Variants in EYS observed in about 807,000 individuals in gnomAD.
EYS encodes EGF-like photoreceptor maintenance factor.
In EYS, 250 loss-of-function variants were observed where a neutral mutation model predicts 282.1. The observed-to-expected ratio is 0.89, with a 90% CI of 0.80 to 0.98. The LOEUF (loss-of-function observed/expected upper bound fraction) is 0.98, where lower values mean the gene tolerates loss of function less well. EYS is among the 50% of genes least tolerant of loss of function. The pLI, the probability that EYS is intolerant of heterozygous loss-of-function variation, is 0.00. For synonymous variants in EYS, 1,355 were observed against 1,282.9 expected (o/e 1.06, Z -1.20); for missense variants, 4,016 against 3,709.0 (o/e 1.08, Z -2.15).
chr6:63,794,033 C>T (rs959751414), intron 37 of EYS, among the ~76,000 whole-genome samples: 7 of 152,176 alleles, frequency 4.6e-5, no homozygotes, highest in African/African-American at 1.7e-4. Context: ...GTCCATGCAG[C>T]AGAGAAGGAG....
rs1238004547 is a variant in EYS, at chr6:64,527,331, T to G, written c.5644+62892A>C. Among the ~76,000 whole-genome samples, 4 of 151,840 alleles carry G rather than the reference T, an allele frequency of 2.6e-5. No individual in the cohort carries two copies. In the South Asian group the frequency reaches 6.2e-4, roughly 24 times the overall value. On this transcript the variant is annotated intron_variant, in intron 26 of 42. Transcript: ENST00000503581. ...GAGTAAAGCAAAATGGAAGTTGATATGCCAGGCCTAAGGGCCTTCTTCTGT... is the reference window on the plus strand; with the variant it reads ...GAGTAAAGCAAAATGGAAGTTGATAGGCCAGGCCTAAGGGCCTTCTTCTGT...
At chr6:64,452,336 C>A (rs1465410095) in intron 26 of EYS, among the ~76,000 whole-genome samples, 1 of 152,074 alleles carries the variant, frequency 6.6e-6, no homozygotes, top group African/African-American at 2.4e-5. Flanking sequence ...GAACTACAAA[C>A]CACTGCTCAA....
intron 33 of EYS, among the ~76,000 whole-genome samples, chr6:64,042,352 C>G (rs146973994): frequency 2.0e-4 from 31 of 152,276 alleles, no homozygotes; most frequent in African/African-American, 6.7e-4. Context: ...ATTTTGTAAA[C>G]CACTTTAGGG....
chr6:65,415,887 A>G (rs1767213217), intron 5 of EYS, among the ~76,000 whole-genome samples: 1 of 152,092 alleles, frequency 6.6e-6, no homozygotes, highest in African/African-American at 2.4e-5. Flanking sequence ...CCTTGCAATT[A>G]GTGAATATAT....
chr6:65,220,598 A>G (rs1766437708), intron 12 of EYS, among the ~76,000 whole-genome samples: 1 of 152,114 alleles, frequency 6.6e-6, no homozygotes, highest in Non-Finnish European at 1.5e-5. Context: ...CTCAGTCTTG[A>G]GTATGTCTTT....
chr6:65,602,399 TTTGA>T (rs376741075), intron 2 of EYS, among the ~76,000 whole-genome samples: 240 of 152,052 alleles, frequency 1.6e-3, no homozygotes, highest in African/African-American at 5.5e-3. Context: ...TTTTACTAAA[TTTGA>T]TTAGTTGAGG....
intron 12 of EYS, among the ~76,000 whole-genome samples, chr6:65,067,528 G>A (rs868249418): frequency 1.3e-5 from 2 of 151,996 alleles, no homozygotes. Context: ...AGAAATCAAT[G>A]GGTGTATCAG....
intron 12 of EYS, among the ~76,000 whole-genome samples, chr6:65,246,022 C>T (rs2150279414): frequency 6.6e-6 from 1 of 152,132 alleles, no homozygotes; most frequent in East Asian, 1.9e-4. Flanking sequence ...ATTATTTCTC[C>T]CTAGTACAGT....
chr6:64,931,982 C>T (rs1768741674), intron 15 of EYS, among the ~76,000 whole-genome samples: 1 of 152,062 alleles, frequency 6.6e-6, no homozygotes, highest in African/African-American at 2.4e-5. Context: ...ACTAGTCAAA[C>T]ATACACTCTT....
chr6:64,613,292 AC>A (rs1767168707), intron 24 of EYS, among the ~76,000 whole-genome samples: 1 of 152,140 alleles, frequency 6.6e-6, no homozygotes. Flanking sequence ...AATTAGAACA[AC>A]AAAATCCTTT....
rs565341789 is a variant in EYS, at chr6:64,075,317, G to A, written c.6571+6539C>T. Among the ~76,000 whole-genome samples the A allele has an allele frequency of 2.6e-5, 4 of 152,028 alleles. No homozygotes were observed. The South Asian group carries it at 8.3e-4, about 31-fold the overall frequency. On this transcript the variant is annotated intron_variant, in intron 32 of 42. Transcript: ENST00000503581. Reference sequence around the variant, plus strand: ...ATGGCAGACAGAGAAGCTCTGGGGAGAACTGAAGGATCATGGCAGCAGCCT... The same window carrying A: ...ATGGCAGACAGAGAAGCTCTGGGGAAAACTGAAGGATCATGGCAGCAGCCT...
chr6:64,295,230 GC>G (rs1414879922), intron 30 of EYS, among the ~76,000 whole-genome samples: 2 of 147,480 alleles, frequency 1.4e-5, no homozygotes, highest in Non-Finnish European at 3.0e-5. Context: ...TAAAAAATTA[GC>G]CGTTTTTTTA....
intron 35 of EYS, among the ~76,000 whole-genome samples, chr6:63,875,674 T>A (rs1470594762): frequency 6.6e-6 from 1 of 152,226 alleles, no homozygotes; most frequent in Non-Finnish European, 1.5e-5. Context: ...ATTCAGGGAT[T>A]CAACTTCTTC....
intron 4 of EYS, 48 bp downstream of exon 4, chr6:65,494,615 A>G (rs1467432875): frequency 6.9e-7 from 1 of 1,452,872 alleles, no homozygotes; most frequent in African/African-American, 1.4e-5. Flanking sequence ...TTATAAATGC[A>G]CTGTGTTTCT....
intron 12 of EYS, among the ~76,000 whole-genome samples, chr6:65,141,018 T>C (rs1377797442): frequency 6.6e-6 from 1 of 151,826 alleles, no homozygotes; most frequent in East Asian, 1.9e-4. Flanking sequence ...CTATAAATCA[T>C]GCTGCTATAA....
At chr6:64,187,307 C>T (rs2150314768) in intron 31 of EYS, among the ~76,000 whole-genome samples, 1 of 152,022 alleles carries the variant, frequency 6.6e-6, no homozygotes, top group Admixed American at 6.6e-5. Context: ...AAATCTCTTC[C>T]CTTTAAACCT....
At position 64,997,604 on chromosome 6, in the gene EYS, G is replaced by C; in HGVS notation, c.2237C>G (p.Ser746Cys). The change falls in exon 14 of 43, where the codon TCT becomes TGT. Residue 746 changes from serine to cysteine, a missense_variant. Transcript: ENST00000503581. ...DCILNACEHN[S>C]TCKDLHLSYQ... ...AACGAGATGCAGGTCTTTGCAGGTA[G>C]AATTGTGCTCACAGGCATTCAGGAT... 1 of 1,551,212 alleles carries C rather than the reference G, an allele frequency of 6.4e-7. No homozygotes were observed. The highest frequency in any genetic ancestry group is 8.7e-7 in the Non-Finnish European group (1 of 1,146,552).
intron 35 of EYS, among the ~76,000 whole-genome samples, chr6:63,971,506 G>A (rs1241769238): frequency 1.3e-5 from 2 of 152,148 alleles, no homozygotes; most frequent in South Asian, 2.1e-4. Flanking sequence ...GATTAGACAG[G>A]TCTTGGTGAT....
intron 35 of EYS, among the ~76,000 whole-genome samples, chr6:63,948,111 C>G (rs1005800010): frequency 6.6e-6 from 1 of 152,150 alleles, no homozygotes; most frequent in African/African-American, 2.4e-5. Context: ...AACACACATG[C>G]ACATCTCAAA....
Sources: allele counts gnomAD v4.1 joint callset (sites outside exome capture counted in the v4.1 genomes callset), GRCh38; gene constraint gnomAD v4.1.1; transcripts MANE v1.5; gene names NCBI Gene and HGNC (gene_info 2026-07-23, HGNC 2026-07-21).